The following SNRPB2 variants were observed in gnomAD, a reference collection of about 807,000 sequenced individuals.
SNRPB2 encodes small nuclear ribonucleoprotein polypeptide B2, also known as U2 small nuclear ribonucleoprotein B''.
A neutral mutation model predicts 26.3 loss-of-function variants in SNRPB2; 16 were observed. That is an observed-to-expected ratio of 0.61 (90% confidence interval 0.41 to 0.92). The LOEUF is 0.92. Among genes scored for constraint, SNRPB2 ranks in the 40% least tolerant of loss-of-function variants. The probability of loss-of-function intolerance (pLI) is 0.00; values close to 1 mark genes in which losing one functional copy is unlikely to be tolerated. For synonymous variants in SNRPB2, 75 were observed against 89.0 expected, an observed-to-expected ratio of 0.84 and a Z score of 0.88; for missense variants, 179 against 268.1, an observed-to-expected ratio of 0.67 and a Z score of 2.32.
chr20:16,737,133 C>A, intron 3 of SNRPB2, 128 bp from the exon 4 acceptor site: 2 of 661,886 alleles, frequency 3.0e-6, no homozygotes, highest in Non-Finnish European at 4.8e-6. Flanking sequence ...TATATTCTGA[C>A]AGATTTTCTT....
Position 16,730,050 on chromosome 20 carries a change from C to G in SNRPB2, c.-150C>G, listed in dbSNP as rs1233166650. On this transcript the variant is annotated 5_prime_UTR_variant, in exon 1 of 7. Coordinates refer to ENST00000246071, the MANE Select transcript of SNRPB2 (RefSeq NM_003092.5). The stretch of plus-strand genomic sequence containing the variant: ...TCCTGCTTTTGGTTCTTACAGTAGT[C>G]GGCGTAGGCCTTAGGTGGGTTCGTG... 1 of 152,342 alleles carries G rather than the reference C, an allele frequency of 6.6e-6. No homozygotes were observed. The highest frequency in any genetic ancestry group is 2.4e-5 in the African/African-American group (1 of 41,458). 9.4% of individuals were successfully genotyped at this position (152,342 alleles called of 1,614,324 possible).
chr20:16,732,274 C>G lies in SNRPB2; in HGVS notation c.175C>G (p.Leu59Val), dbSNP rs773244742. ...GCAGGCCTTTGTCATATTTAAGGAA[C>G]TGGGCTCATCCACAAATGCCTTGAG... is the stretch of plus-strand genomic sequence containing the variant. The part of the protein sequence containing the change: ...RGQAFVIFKE[L>V]GSSTNALRQL... Residue 59 changes from leucine (L) to valine (V), a missense_variant, in exon 3 of 7, where the codon CTG becomes GTG. Coordinates refer to ENST00000246071, the MANE Select transcript of SNRPB2 (RefSeq NM_003092.5). 6.2e-7 allele frequency: 1 copy of G among 1,603,506 alleles called. No individual in the cohort carries two copies. The highest frequency in any genetic ancestry group is 8.5e-7 in the Non-Finnish European group (1 of 1,174,128).
At chr20:16,738,478 A>C (rs953837737) in intron 4 of SNRPB2, among the ~76,000 whole-genome samples, 2 of 152,016 alleles carry the variant, frequency 1.3e-5, no homozygotes, top group African/African-American at 2.4e-5. Flanking sequence ...AATTCACCAA[A>C]AAGTAATTAC....
intron 5 of SNRPB2, among the ~76,000 whole-genome samples, chr20:16,739,899 G>T (rs2072452141): frequency 7.8e-6 from 1 of 128,318 alleles, no homozygotes; most frequent in Non-Finnish European, 1.7e-5. Context: ...AATCTTTCTA[G>T]TTCCAATTTT....
Position 16,738,861 on chromosome 20 carries a change from A to G in SNRPB2, c.388A>G (p.Asn130Asp), listed in dbSNP as rs2072445169. The G allele has an allele frequency of 6.2e-7, 1 of 1,602,970 alleles. No homozygotes were observed. Among genetic ancestry groups the G allele is most frequent in the Non-Finnish European group, 8.5e-7 (1 of 1,170,014 alleles). ...TATTTATTTTGCTTAGGGAACTCCA[A>G]ATTCAGCTAATACCCAAGGAAATTC... ...TNKKPGQGTP[N>D]SANTQGNSTP... The change falls in exon 5 of 7, where the codon AAT becomes GAT. Residue 130 changes from asparagine to aspartate, a missense_variant. Around this residue, in one of 2 missense-constraint regions of SNRPB2, gnomAD observed 145 missense variants for 180.7 expected, o/e 0.80. Coordinates refer to ENST00000246071, the MANE Select transcript of SNRPB2 (RefSeq NM_003092.5).
chr20:16,736,510 A>G (rs936034128), intron 3 of SNRPB2, among the ~76,000 whole-genome samples: 4 of 152,242 alleles, frequency 2.6e-5, no homozygotes, highest in Non-Finnish European at 5.9e-5. Context: ...AAATTCAAAT[A>G]AACTCATTAA....
intron 3 of SNRPB2, among the ~76,000 whole-genome samples, chr20:16,736,400 A>G (rs6044276): frequency 0.48 from 73,068 of 151,948 alleles, 19,519 homozygotes; most frequent in African/African-American, 0.73. Flanking sequence ...ATCTTTACAA[A>G]TGTTACAACT....
Position 16,732,328 on chromosome 20 carries a change from A to G in SNRPB2, c.229A>G (p.Lys77Glu). 1.9e-6 allele frequency: 3 copies of G among 1,553,152 alleles called. No homozygotes were observed. The highest frequency in any genetic ancestry group is 2.6e-6 in the Non-Finnish European group (3 of 1,145,926). The change falls in exon 3 of 7, where the codon AAA (lysine) becomes GAA (glutamate). Residue 77 changes from lysine (K) to glutamate (E), a missense_variant. Physicochemically the swap from Lys to Glu is moderately conservative, Grantham distance 56 (BLOSUM62 1). This residue lies in a region of SNRPB2 where 145 missense variants were observed against 180.7 expected (regional missense o/e 0.80). Coordinates refer to ENST00000246071, the MANE Select transcript of SNRPB2 (RefSeq NM_003092.5). ...GCTACAAGGATTTCCATTTTATGGTAAACCAATGGTAAGCCAATTCCATTA... is the reference window on the plus strand; with the variant it reads ...GCTACAAGGATTTCCATTTTATGGTGAACCAATGGTAAGCCAATTCCATTA... Reference protein sequence around the residue: ...RQLQGFPFYGKPMRIQYAKTD... With the variant: ...RQLQGFPFYGEPMRIQYAKTD...
In SNRPB2 at chr20:16,741,223, T is replaced by C. The variant is rs970134266; in HGVS notation, c.*218T>C. 2.5e-6 allele frequency: 1 copy of C among 404,494 alleles called. No homozygotes were observed. The highest frequency in any genetic ancestry group is 4.4e-6 in the Non-Finnish European group (1 of 226,004). The allele number at this position is 404,494 out of a possible 1,614,324, so 25.1% of individuals were successfully genotyped here. ...AACTTTTATTTGTATTCTGTGTATATAATGCTTTCTTGATTGACCCATCTC... is the reference window on the plus strand; with the variant it reads ...AACTTTTATTTGTATTCTGTGTATACAATGCTTTCTTGATTGACCCATCTC... On this transcript the variant is annotated 3_prime_UTR_variant, in exon 7 of 7. Coordinates refer to ENST00000246071, the MANE Select transcript of SNRPB2 (RefSeq NM_003092.5).
At position 16,740,405 on chromosome 20, in the gene SNRPB2, G is replaced by C; in HGVS notation, c.510G>C (p.Leu170=). ...CTAATGAGATGATGTTATCCATGCTGTTTAATCAGTAAGTTTTTTCATAAA... is the reference window on the plus strand; with the variant it reads ...CTAATGAGATGATGTTATCCATGCTCTTTAATCAGTAAGTTTTTTCATAAA... ...EETNEMMLSM[L]FNQFPGFKEV... Residue 170 remains leucine, a synonymous_variant, in exon 6 of 7, where the codon CTG becomes CTC. Coordinates refer to ENST00000246071, the MANE Select transcript of SNRPB2 (RefSeq NM_003092.5). 6.2e-7 allele frequency: 1 copy of C among 1,611,202 alleles called. No individual in the cohort carries two copies. Among genetic ancestry groups the C allele is most frequent in the African/African-American group, 1.3e-5 (1 of 74,902 alleles).
chr20:16,738,769 T>A (rs560632816), intron 4 of SNRPB2, 83 bp from the exon 5 acceptor site: 116 of 758,714 alleles, frequency 1.5e-4, no homozygotes, highest in Non-Finnish European at 2.5e-4. Flanking sequence ...ATGTTATTTT[T>A]AATGCAGTAA....
At chr20:16,730,465 AC>A (rs2072382244) in intron 1 of SNRPB2, 1 of 151,262 alleles carries the variant, frequency 6.6e-6, no homozygotes, top group Non-Finnish European at 1.5e-5. Context: ...CCACGATCAA[AC>A]CTCGCATGAA....
intron 2 of SNRPB2, 89 bp from the exon 3 acceptor site, chr20:16,732,075 G>C: frequency 2.8e-6 from 2 of 714,638 alleles, no homozygotes; most frequent in African/African-American, 2.5e-5. Context: ...AGTGAATGGT[G>C]GGGGGGGCAA....
chr20:16,732,095 G>T, intron 2 of SNRPB2, 69 bp from the exon 3 acceptor site: 2 of 915,878 alleles, frequency 2.2e-6, no homozygotes, highest in Non-Finnish European at 3.4e-6. Flanking sequence ...ACTCAATGCA[G>T]TATCATTTTA....
intron 3 of SNRPB2, among the ~76,000 whole-genome samples, chr20:16,736,989 G>A (rs536136895): frequency 1.1e-4 from 16 of 152,266 alleles, no homozygotes; most frequent in African/African-American, 3.4e-4. Context: ...GAGAGAAGCC[G>A]TGGTACAGAT....
chr20:16,737,049 A>G (rs949233838), intron 3 of SNRPB2, among the ~76,000 whole-genome samples: 1 of 152,222 alleles, frequency 6.6e-6, no homozygotes, highest in African/African-American at 2.4e-5. Flanking sequence ...TTTTTAATCT[A>G]ATAAACACAC....
At chr20:16,732,625 A>G (rs1298080515) in intron 3 of SNRPB2, among the ~76,000 whole-genome samples, 1 of 152,232 alleles carries the variant, frequency 6.6e-6, no homozygotes, top group African/African-American at 2.4e-5. Context: ...GGAAGACTTG[A>G]AAAGAAACCT....
chr20:16,741,234 T>G lies in SNRPB2; in HGVS notation c.*229T>G, dbSNP rs2072460648. On this transcript the variant is annotated 3_prime_UTR_variant, in exon 7 of 7. Coordinates refer to ENST00000246071, the MANE Select transcript of SNRPB2 (RefSeq NM_003092.5). ...GTATTCTGTGTATATAATGCTTTCT[T>G]GATTGACCCATCTCCCTATCATCAA... The G allele has an allele frequency of 5.4e-6, 2 of 371,962 alleles. No individual in the cohort carries two copies. Among genetic ancestry groups the G allele is most frequent in the African/African-American group, 4.1e-5 (2 of 48,602 alleles). 23.0% of individuals were successfully genotyped at this position (371,962 alleles called of 1,614,324 possible).
At chr20:16,739,447 C>G (rs2072449220) in intron 5 of SNRPB2, among the ~76,000 whole-genome samples, 1 of 152,056 alleles carries the variant, frequency 6.6e-6, no homozygotes. Flanking sequence ...GAGAAGGCCT[C>G]AGTAATGTGC....
Sources: gnomAD v4.1 joint callset for allele counts (sites outside exome capture counted in the v4.1 genomes callset) on GRCh38, gnomAD v4.1.1 for gene constraint, gnomAD v4.1.1 regional missense constraint, MANE v1.5 for transcripts, NCBI Gene and HGNC (gene_info 2026-07-23, HGNC 2026-07-21) for gene names.